The following CDH12 variants were observed in gnomAD, a reference collection of about 807,000 sequenced individuals.
The protein encoded by CDH12 is cadherin-12.
Under a neutral mutation model 74.1 loss-of-function variants are expected in CDH12, and 41 were observed. That is an observed-to-expected ratio of 0.55 (90% CI 0.43 to 0.72). The LOEUF (loss-of-function observed/expected upper bound fraction) is 0.72. Ranked by LOEUF, CDH12 falls within the 30% of genes least tolerant of loss-of-function variation. The pLI is 0.00. For synonymous variants in CDH12, 399 were observed against 355.0 expected, an observed-to-expected ratio of 1.12 and a Z score of -1.39; for missense variants, 945 against 977.2, an observed-to-expected ratio of 0.97 and a Z score of 0.44.
chr5:22,053,084 T>C (rs948128243), intron 5 of CDH12, among the ~76,000 whole-genome samples: 1 of 151,822 alleles, frequency 6.6e-6, no homozygotes, highest in Non-Finnish European at 1.5e-5. Context: ...TTTTTTTTTT[T>C]AAATCATTCC....
chr5:22,391,298 A>T (rs781112588), intron 3 of CDH12, among the ~76,000 whole-genome samples: 1 of 152,224 alleles, frequency 6.6e-6, no homozygotes, highest in Non-Finnish European at 1.5e-5. Flanking sequence ...CAAAACTCAA[A>T]GGCAAGATAA....
At chr5:21,993,296 C>A (rs1383327736) in intron 5 of CDH12, among the ~76,000 whole-genome samples, 1 of 152,102 alleles carries the variant, frequency 6.6e-6, no homozygotes, top group East Asian at 1.9e-4. Context: ...GATTTCTCTC[C>A]CCTGAGTGTC....
At chr5:21,826,041 T>G (rs1259086982) in intron 8 of CDH12, among the ~76,000 whole-genome samples, 1 of 152,230 alleles carries the variant, frequency 6.6e-6, no homozygotes. Flanking sequence ...TGTTCTACTT[T>G]ACAAACGTGG....
intron 1 of CDH12, among the ~76,000 whole-genome samples, chr5:22,719,014 AGTGAATTATCCCACCCGATG>A (rs547382777): frequency 8.1e-4 from 124 of 152,212 alleles, no homozygotes; most frequent in African/African-American, 2.9e-3. Context: ...GGGTTATTCT[AGTGAATTATCCCACCCGATG>A]GTGGTTGTGA....
At chr5:22,460,996 C>CAGG (rs1441067401) in intron 2 of CDH12, among the ~76,000 whole-genome samples, 1 of 144,946 alleles carries the variant, frequency 6.9e-6, no homozygotes, top group African/African-American at 2.6e-5. Context: ...GCTGGGATTA[C>CAGG]AGGTGTGAGC....
intron 1 of CDH12, among the ~76,000 whole-genome samples, chr5:22,788,883 A>T (rs933159350): frequency 1.3e-5 from 2 of 151,884 alleles, no homozygotes; most frequent in Non-Finnish European, 2.9e-5. Flanking sequence ...CTAGTTGCTG[A>T]GTCCACATTT....
chr5:22,047,000 GT>G, intron 5 of CDH12, among the ~76,000 whole-genome samples: 1 of 152,272 alleles, frequency 6.6e-6, no homozygotes, highest in East Asian at 1.9e-4. Context: ...TCTCAGAAAT[GT>G]TTGGTGGCAT....
intron 2 of CDH12, among the ~76,000 whole-genome samples, chr5:22,435,188 G>C (rs1246796998): frequency 6.6e-6 from 1 of 152,024 alleles, no homozygotes; most frequent in Non-Finnish European, 1.5e-5. Context: ...AGAATATAAA[G>C]AGGGCAGAAA....
intron 2 of CDH12, among the ~76,000 whole-genome samples, chr5:22,433,376 G>T (rs1744251201): frequency 6.6e-6 from 1 of 151,900 alleles, no homozygotes; most frequent in Admixed American, 6.6e-5. Context: ...CAGCATTTTT[G>T]AATCCTAAAA....
At chr5:21,974,746 G>A (rs1756988750) in intron 6 of CDH12, among the ~76,000 whole-genome samples, 2 of 152,066 alleles carry the variant, frequency 1.3e-5, no homozygotes, top group South Asian at 4.1e-4. Context: ...GGCATTTTGT[G>A]GTGTAGGGTA....
rs188936184 is a variant in CDH12 at position 21,833,342 on chromosome 5, A to G, written c.814+8819T>C. Reference sequence around the variant, plus strand: ...ATATAATATATATTATATATTATATAACATATAATATATATTATATATTAT... The same window carrying G: ...ATATAATATATATTATATATTATATGACATATAATATATATTATATATTAT... On this transcript the variant is annotated intron_variant, in intron 8 of 14. Transcript: ENST00000382254. Among the ~76,000 whole-genome samples the G allele has an allele frequency of 4.7e-3, 205 of 43,158 alleles. 17 individuals carry two copies. Among genetic ancestry groups the G allele is most frequent in the Non-Finnish European group, 6.0e-3 (169 of 28,034 alleles). 28.3% of individuals were successfully genotyped at this position (43,158 alleles called of 152,430 possible). A position where few individuals can be genotyped will look rare whatever the true frequency, so the allele number is the denominator to read the frequency against.
intron 3 of CDH12, among the ~76,000 whole-genome samples, chr5:22,309,737 T>C (rs1315618838): frequency 2.6e-5 from 4 of 152,024 alleles, no homozygotes; most frequent in Non-Finnish European, 5.9e-5. Flanking sequence ...TTATTATATT[T>C]TAAGGTTAGT....
intron 2 of CDH12, among the ~76,000 whole-genome samples, chr5:22,407,333 T>G (rs1742982222): frequency 1.3e-5 from 2 of 152,028 alleles, no homozygotes; most frequent in African/African-American, 4.8e-5. Flanking sequence ...TTTCTTCTCC[T>G]CCCATATTAG....
chr5:22,181,368 T>G (rs1484117888), intron 4 of CDH12, among the ~76,000 whole-genome samples: 1 of 152,144 alleles, frequency 6.6e-6, no homozygotes, highest in Non-Finnish European at 1.5e-5. Context: ...CTCCTCAGCA[T>G]TCTTCCCCAT....
chr5:22,352,575 C>T (rs1048165123), intron 3 of CDH12, among the ~76,000 whole-genome samples: 3 of 152,020 alleles, frequency 2.0e-5, no homozygotes, highest in African/African-American at 7.2e-5. Flanking sequence ...AGAGAGACAA[C>T]GTTATAAATT....
chr5:21,754,958 C>A (rs980187841), intron 14 of CDH12, among the ~76,000 whole-genome samples: 1 of 152,162 alleles, frequency 6.6e-6, no homozygotes, highest in African/African-American at 2.4e-5. Context: ...AATCATTTTG[C>A]TTTGGAGTGT....
chr5:22,570,181 G>A (rs1179067943), intron 1 of CDH12, among the ~76,000 whole-genome samples: 1 of 151,456 alleles, frequency 6.6e-6, no homozygotes, highest in Non-Finnish European at 1.5e-5. Context: ...TCAGCCTCTC[G>A]AGCAGCTGGG....
intron 3 of CDH12, among the ~76,000 whole-genome samples, chr5:22,332,109 C>T (rs113990461): frequency 2.0e-5 from 3 of 152,042 alleles, no homozygotes; most frequent in Non-Finnish European, 2.9e-5. Flanking sequence ...AAGATAATAA[C>T]GGAGAACTTT....
chr5:22,027,353 C>T, intron 5 of CDH12, among the ~76,000 whole-genome samples: 1 of 152,180 alleles, frequency 6.6e-6, no homozygotes, highest in Non-Finnish European at 1.5e-5. Flanking sequence ...AGGATTCCCT[C>T]TCTTTCTGTT....
Sources: gnomAD v4.1 joint callset for allele counts (sites outside exome capture counted in the v4.1 genomes callset) on GRCh38, gnomAD v4.1.1 for gene constraint, MANE v1.5 for transcripts, NCBI Gene and HGNC (gene_info 2026-07-23, HGNC 2026-07-21) for gene names.